The following GRM7 variants were observed in gnomAD, a reference collection of about 807,000 sequenced individuals.
GRM7 encodes metabotropic glutamate receptor 7.
A neutral mutation model predicts 84.5 loss-of-function variants in GRM7; 35 were observed. That is an observed-to-expected ratio of 0.41 (90% confidence interval 0.32 to 0.55). The LOEUF (loss-of-function observed/expected upper bound fraction) is 0.55. Among genes scored for constraint, GRM7 ranks in the 20% least tolerant of loss-of-function variants. The pLI is 0.19. For synonymous variants in GRM7, 487 were observed against 455.1 expected (o/e 1.07, Z -0.89); for missense variants, 1,003 against 1,194.6 (o/e 0.84, Z 2.36).
At chr3:7,706,414 C>A (rs1380975259) in intron 9 of GRM7, among the ~76,000 whole-genome samples, 5 of 152,166 alleles carry the variant, frequency 3.3e-5, no homozygotes, top group Admixed American at 6.5e-5. Flanking sequence ...AAAAGGAACA[C>A]TCCCTAAGAC....
chr3:7,727,434 G>GA (rs1553642518), intron 9 of GRM7, among the ~76,000 whole-genome samples: 1 of 152,128 alleles, frequency 6.6e-6, no homozygotes, highest in Non-Finnish European at 1.5e-5. Context: ...AAGACACCCT[G>GA]AAATTCACTG....
At chr3:7,333,561 G>T (rs911746271) in intron 4 of GRM7, among the ~76,000 whole-genome samples, 30 of 152,060 alleles carry the variant, frequency 2.0e-4, no homozygotes, top group Admixed American at 1.4e-3. Flanking sequence ...GACAAAATGA[G>T]GTTCTATAAC....
chr3:7,192,363 T>C (rs1695737146), intron 2 of GRM7, among the ~76,000 whole-genome samples: 1 of 152,140 alleles, frequency 6.6e-6, no homozygotes, highest in African/African-American at 2.4e-5. Flanking sequence ...CTGCATGTCC[T>C]GGATTGGCCT....
chr3:7,225,069 T>C (rs893250070), intron 2 of GRM7, among the ~76,000 whole-genome samples: 1 of 152,162 alleles, frequency 6.6e-6, no homozygotes, highest in African/African-American at 2.4e-5. Flanking sequence ...AACTACCTCC[T>C]TGCTGACTCC....
chr3:7,568,438 C>T (rs1262446689), intron 7 of GRM7, among the ~76,000 whole-genome samples: 7 of 152,250 alleles, frequency 4.6e-5, no homozygotes, highest in Admixed American at 6.5e-5. Flanking sequence ...GAGGTGACAG[C>T]GTGCTGACAG....
intron 2 of GRM7, among the ~76,000 whole-genome samples, chr3:7,198,476 A>T (rs1212116125): frequency 6.6e-6 from 1 of 152,176 alleles, no homozygotes; most frequent in African/African-American, 2.4e-5. Context: ...ACATGCACAG[A>T]TGCTCCTTGA....
At chr3:7,101,052 A>G (rs1313185613) in intron 1 of GRM7, among the ~76,000 whole-genome samples, 1 of 151,768 alleles carries the variant, frequency 6.6e-6, no homozygotes, top group Non-Finnish European at 1.5e-5. Flanking sequence ...GAATAAAGCC[A>G]TTGTGAATAT....
At chr3:7,010,554 T>C (rs1241592678) in intron 1 of GRM7, among the ~76,000 whole-genome samples, 2 of 152,112 alleles carry the variant, frequency 1.3e-5, no homozygotes, top group Non-Finnish European at 2.9e-5. Flanking sequence ...CTGGGGACAG[T>C]GAAAGATAAA....
Position 7,361,004 on chromosome 3 carries a change from T to G in GRM7, c.1034-54019T>G, listed in dbSNP as rs181290472. On this transcript the variant is annotated intron_variant, in intron 4 of 9. Transcript: ENST00000357716. ...TCTGCCTAATCTGTGGCTCTTGAACTGATGCCTAATTCCAAAAATTATCTC... is the reference window on the plus strand; with the variant it reads ...TCTGCCTAATCTGTGGCTCTTGAACGGATGCCTAATTCCAAAAATTATCTC... Among the ~76,000 whole-genome samples, 935 of 152,240 alleles carry G rather than the reference T, an allele frequency of 6.1e-3. 6 individuals are homozygous for G. Among genetic ancestry groups the G allele is most frequent in the African/African-American group, 0.021 (881 of 41,578 alleles).
At chr3:7,455,468 A>G (rs961187401) in intron 6 of GRM7, among the ~76,000 whole-genome samples, 2 of 152,178 alleles carry the variant, frequency 1.3e-5, no homozygotes, top group Non-Finnish European at 2.9e-5. Flanking sequence ...GGTGGACATC[A>G]TCACTTATGA....
chr3:7,343,066 C>T (rs1692716612), intron 4 of GRM7, among the ~76,000 whole-genome samples: 1 of 152,096 alleles, frequency 6.6e-6, no homozygotes, highest in African/African-American at 2.4e-5. Flanking sequence ...TTATTATTGA[C>T]TCAGTTTAGA....
Position 7,125,131 on chromosome 3 carries a change from G to A in GRM7, c.520-21321G>A, listed in dbSNP as rs533849273. ...AGTTTTGTATTTTTAGTAGATATGG[G>A]GTTTCGCCTTGTTGGCCAGGCTGGT... On this transcript the variant is annotated intron_variant, in intron 1 of 9. Transcript: ENST00000357716. 2.0e-5 allele frequency among the ~76,000 whole-genome samples: 3 copies of A among 152,150 alleles called. No homozygotes were observed. In the East Asian group the frequency reaches 5.8e-4, roughly 29 times the overall value.
intron 7 of GRM7, among the ~76,000 whole-genome samples, chr3:7,547,041 TCCTACAGAACCCCCAAGG>T (rs1353315972): frequency 6.6e-6 from 1 of 151,970 alleles, no homozygotes; most frequent in Non-Finnish European, 1.5e-5. Context: ...GCAATCTGAA[TCCTACAGAACCCCCAAGG>T]CCTAAACTAG....
intron 1 of GRM7, among the ~76,000 whole-genome samples, chr3:6,884,648 G>A (rs538378382): frequency 1.3e-5 from 2 of 151,942 alleles, no homozygotes; most frequent in South Asian, 4.2e-4. Flanking sequence ...CACCCAGGCT[G>A]GAGCGCAGTA....
intron 2 of GRM7, among the ~76,000 whole-genome samples, chr3:7,275,413 T>C (rs1202423074): frequency 6.6e-6 from 1 of 152,140 alleles, no homozygotes; most frequent in East Asian, 1.9e-4. Context: ...TTTACTAATA[T>C]GTTGGTAAGG....
chr3:7,239,655 C>T (rs1299385378), intron 2 of GRM7, among the ~76,000 whole-genome samples: 1 of 152,074 alleles, frequency 6.6e-6, no homozygotes, highest in Non-Finnish European at 1.5e-5. Flanking sequence ...GGGCATCATC[C>T]AGTCTATTAA....
At chr3:7,634,183 T>C (rs946620158) in intron 8 of GRM7, among the ~76,000 whole-genome samples, 2 of 152,166 alleles carry the variant, frequency 1.3e-5, no homozygotes, top group Non-Finnish European at 2.9e-5. Flanking sequence ...AATTCAAAAG[T>C]GAGTTTGAAC....
intron 1 of GRM7, among the ~76,000 whole-genome samples, chr3:6,984,462 A>G (rs899525060): frequency 3.3e-5 from 5 of 152,306 alleles, no homozygotes; most frequent in South Asian, 2.1e-4. Flanking sequence ...TATTCCATCA[A>G]TGGTTACTGG....
chr3:7,508,686 G>T (rs867170234), intron 7 of GRM7, among the ~76,000 whole-genome samples: 1 of 152,060 alleles, frequency 6.6e-6, no homozygotes, highest in African/African-American at 2.4e-5. Context: ...TTGGAAAAAC[G>T]GTTCTTACGG....
Sources: gnomAD v4.1 joint callset for allele counts (sites outside exome capture counted in the v4.1 genomes callset) on GRCh38, gnomAD v4.1.1 for gene constraint, MANE v1.5 for transcripts, NCBI Gene and HGNC (gene_info 2026-07-23, HGNC 2026-07-21) for gene names.